CAPRIN2: variants seen among roughly 807,000 people sequenced by gnomAD.
CAPRIN2 encodes the protein caprin family member 2, also known as caprin-2.
CAPRIN2 carries 66 observed loss-of-function variants against 130.4 expected under a neutral mutation model. The observed-to-expected ratio is 0.51, with a 90% CI of 0.42 to 0.62. CAPRIN2 has a LOEUF of 0.62. Among genes scored for constraint, CAPRIN2 ranks in the 20% least tolerant of loss-of-function variants. The pLI is 0.00. For missense variants in CAPRIN2, 1,185 were observed against 1,246.6 expected, an observed-to-expected ratio of 0.95 and a Z score of 0.74; for synonymous variants, 471 against 444.1, an observed-to-expected ratio of 1.06 and a Z score of -0.76.
intron 2 of CAPRIN2, among the ~76,000 whole-genome samples, chr12:30,743,756 T>C (rs2068595904): frequency 1.3e-5 from 2 of 152,210 alleles, no homozygotes; most frequent in South Asian, 4.1e-4. Flanking sequence ...ACCGCATTTT[T>C]AGCCATTATT....
chr12:30,740,840 A>G (rs559555337), intron 3 of CAPRIN2, among the ~76,000 whole-genome samples, 180 bp downstream of exon 4: 4 of 152,222 alleles, frequency 2.6e-5, no homozygotes, highest in Non-Finnish European at 5.9e-5. Context: ...CCTTGAGACT[A>G]CAGAAATCTG....
At chr12:30,716,916 G>T (rs544084503) in intron 12 of CAPRIN2, among the ~76,000 whole-genome samples, 2 of 152,282 alleles carry the variant, frequency 1.3e-5, no homozygotes, top group African/African-American at 4.8e-5. Flanking sequence ...CATTAGCAGG[G>T]CTATTATCAA....
chr12:30,741,698 G>C lies in CAPRIN2; in HGVS notation c.484-592C>G, dbSNP rs1467372490. 2.0e-5 allele frequency among the ~76,000 whole-genome samples: 3 copies of C among 152,206 alleles called. No individual in the cohort carries two copies. The South Asian group carries it at 6.2e-4, about 32-fold the overall frequency. Reference sequence around the variant, plus strand: ...CTTTAACTCAAATCTATACGGAAGAGAAAGGACCAATCTGAAACAGAACAA... The same window carrying C: ...CTTTAACTCAAATCTATACGGAAGACAAAGGACCAATCTGAAACAGAACAA... On this transcript the variant is annotated intron_variant, in intron 2 of 16. Coordinates refer to ENST00000298892, the Ensembl canonical transcript of CAPRIN2.
At chr12:30,711,865 T>C in intron 15 of CAPRIN2, 1 of 649,118 alleles carries the variant, frequency 1.5e-6, no homozygotes. Context: ...TGTTAATACC[T>C]GAAAAACAAC....
intron 2 of CAPRIN2, among the ~76,000 whole-genome samples, chr12:30,750,007 A>C (rs1271477251): frequency 6.6e-6 from 1 of 152,206 alleles, no homozygotes; most frequent in Admixed American, 6.5e-5. Context: ...CTCTAACAGG[A>C]CACTTCATTC....
At chr12:30,748,914 T>G (rs938911512) in intron 2 of CAPRIN2, among the ~76,000 whole-genome samples, 2 of 152,186 alleles carry the variant, frequency 1.3e-5, no homozygotes, top group African/African-American at 4.8e-5. Context: ...GGAACTTACA[T>G]TGTAAGGGTA....
At chr12:30,753,687 C>T (rs139389922) in exon 1 of CAPRIN2, 8 of 1,614,154 alleles carry the variant, frequency 5.0e-6, no homozygotes, top group Non-Finnish European at 5.9e-6. Context: ...CCTGGAAAGT[C>T]TAGACCACTC....
intron 3 of CAPRIN2, among the ~76,000 whole-genome samples, chr12:30,740,190 G>C (rs1392663737): frequency 6.6e-6 from 1 of 152,090 alleles, no homozygotes; most frequent in East Asian, 1.9e-4. Context: ...GATCCCTTCA[G>C]CCCAGGATTA....
intron 2 of CAPRIN2, among the ~76,000 whole-genome samples, chr12:30,750,170 A>G (rs985907841): frequency 6.6e-6 from 1 of 152,196 alleles, no homozygotes; most frequent in African/African-American, 2.4e-5. Flanking sequence ...CACAATTCAA[A>G]TATGTGTCTC....
chr12:30,709,837 A>T, exon 17 of CAPRIN2: 1 of 1,511,098 alleles, frequency 6.6e-7, no homozygotes. Context: ...GAGGGCAAAG[A>T]CTACTTTTCC....
intron 2 of CAPRIN2, among the ~76,000 whole-genome samples, chr12:30,749,709 G>A (rs2072736983): frequency 6.6e-6 from 1 of 152,192 alleles, no homozygotes; most frequent in Non-Finnish European, 1.5e-5. Flanking sequence ...GAAAAATTAT[G>A]AAGTGTCGGA....
chr12:30,734,776 C>CA (rs1263162566), intron 4 of CAPRIN2, among the ~76,000 whole-genome samples, 192 bp downstream of exon 5: 7 of 151,924 alleles, frequency 4.6e-5, no homozygotes, highest in Non-Finnish European at 1.0e-4. Context: ...TCAACCCTGT[C>CA]AGACTCTGGG....
At chr12:30,723,236 A>G (rs1484105476) in intron 11 of CAPRIN2, 23 bp downstream of exon 12, 1 of 1,549,660 alleles carries the variant, frequency 6.5e-7, no homozygotes, top group East Asian at 2.2e-5. Flanking sequence ...AGCAAAGAAT[A>G]AAAGATTAAT....
rs750076759 is a variant in CAPRIN2 at position 30,710,445 on chromosome 12, C to A, written c.2691G>T (p.Val897=). 5.0e-6 allele frequency: 8 copies of A among 1,614,004 alleles called. No homozygotes were observed. In the East Asian group the frequency reaches 1.6e-4, roughly 31 times the overall value. ...TTTCGTTGTCTCTTTCTGGGCTGCT[C>A]ACCTGAGAAGAATCACTCCACCCTG... Residue 897 remains valine (V), a synonymous_variant, in exon 17 of 17, where the codon GTG becomes GTT. Transcript: ENST00000298892. The surrounding 1 kb of genome is among the most constrained non-coding windows in gnomAD (Gnocchi z 4.8).
At chr12:30,733,531 C>T in intron 5 of CAPRIN2, 98 bp downstream of exon 6, 1 of 787,554 alleles carries the variant, frequency 1.3e-6, no homozygotes, top group Admixed American at 1.9e-5. Context: ...CATGTAAGTT[C>T]TGATGGACTA....
At chr12:30,714,329 A>G (rs1300460061) in intron 14 of CAPRIN2, among the ~76,000 whole-genome samples, 8 of 152,154 alleles carry the variant, frequency 5.3e-5, no homozygotes, top group Admixed American at 4.6e-4. Flanking sequence ...CTACAGGTGC[A>G]TATCACCATG....
chr12:30,717,423 G>T (rs1490848669), intron 12 of CAPRIN2, among the ~76,000 whole-genome samples: 2 of 152,034 alleles, frequency 1.3e-5, no homozygotes. Flanking sequence ...CTGTGGAGGG[G>T]GTTACAAACA....
chr12:30,713,702 T>C, intron 15 of CAPRIN2, 83 bp downstream of exon 17: 2 of 782,418 alleles, frequency 2.6e-6, no homozygotes, highest in South Asian at 2.0e-5. Flanking sequence ...GAAAACAAAT[T>C]ATGACTCTGC....
At position 30,710,009 on chromosome 12, in the gene CAPRIN2, G is replaced by A; in HGVS notation, c.3127C>T (p.Gln1043Ter). 1.2e-6 allele frequency: 2 copies of A among 1,614,126 alleles called. No individual in the cohort carries two copies. The highest frequency in any genetic ancestry group is 1.7e-6 in the Non-Finnish European group (2 of 1,180,008). The change falls in exon 17 of 17, where the codon CAG becomes TAG. Residue 1043 changes from glutamine to a stop codon, truncating the protein, a stop_gained. Transcript: ENST00000298892. LOFTEE classifies it high-confidence loss of function. This position sits in a 1 kb window ranked among gnomAD's most constrained non-coding sequence, Gnocchi z 4.8. ...CATATCTGGTCTCCCTGGAAGAGCT[G>A]AAGAATTGCATGATTGCTAGCAGTT...
Sources: gnomAD v4.1 joint callset for allele counts (sites outside exome capture counted in the v4.1 genomes callset) on GRCh38, gnomAD v4.1.1 for gene constraint, Gnocchi (gnomAD v3.1) non-coding constraint, MANE v1.5 for transcripts, NCBI Gene and HGNC (gene_info 2026-07-23, HGNC 2026-07-21) for gene names.